Variants in CSTPP1 observed in about 807,000 individuals in gnomAD.
CSTPP1 encodes the protein centriolar satellite-associated tubulin polyglutamylase complex regulator 1.
At chr11:47,161,472 A>G in the CSTPP1 span, 1 of 1,613,866 alleles carries the variant, frequency 6.2e-7, no homozygotes, top group Non-Finnish European at 8.5e-7. Context: ...AGGCTGGCCC[A>G]GGTCCCAGGC....
chr11:47,160,818 AG>A, the CSTPP1 span: 1 of 401,366 alleles, frequency 2.5e-6, no homozygotes. Context: ...GGCCTCAAGA[AG>A]GAACTCAACT....
chr11:47,148,639 A>T, the CSTPP1 span, among the ~76,000 whole-genome samples: 1 of 151,980 alleles, frequency 6.6e-6, no homozygotes, highest in African/African-American at 2.4e-5. Flanking sequence ...CTCTATTTTT[A>T]TTTGCTCTTT....
At chr11:46,996,327 G>C in the CSTPP1 span, among the ~76,000 whole-genome samples, 1 of 149,772 alleles carries the variant, frequency 6.7e-6, no homozygotes, top group Non-Finnish European at 1.5e-5. Context: ...TTTTTGAGAC[G>C]GAGTTTCGCT....
At chr11:46,976,167 G>A in the CSTPP1 span, among the ~76,000 whole-genome samples, 4 of 152,128 alleles carry the variant, frequency 2.6e-5, no homozygotes, top group Non-Finnish European at 5.9e-5. Flanking sequence ...GCATTAGGGT[G>A]TTCTTGAATG....
At chr11:47,155,364 C>T in the CSTPP1 span, 3 of 1,029,580 alleles carry the variant, frequency 2.9e-6, no homozygotes, top group Non-Finnish European at 4.6e-6. Context: ...GTTTCTCTTC[C>T]CCACTTCCTT....
the CSTPP1 span, among the ~76,000 whole-genome samples, chr11:46,975,157 A>G: frequency 4.6e-5 from 7 of 151,122 alleles, no homozygotes; most frequent in South Asian, 1.5e-3. Context: ...CACACTTGTA[A>G]TCCCAGCTGC....
chr11:46,973,279 C>T, the CSTPP1 span, among the ~76,000 whole-genome samples: 1 of 152,120 alleles, frequency 6.6e-6, no homozygotes, highest in South Asian at 2.1e-4. Context: ...GGAGCCCTCT[C>T]CTTGGTTGAT....
the CSTPP1 span, among the ~76,000 whole-genome samples, chr11:47,094,356 C>G: frequency 6.6e-6 from 1 of 152,098 alleles, no homozygotes; most frequent in Non-Finnish European, 1.5e-5. Context: ...TGTAAAGTTA[C>G]AGTTATGCAA....
At chr11:46,991,545 C>G in the CSTPP1 span, 1 of 152,202 alleles carries the variant, frequency 6.6e-6, no homozygotes, top group Non-Finnish European at 1.5e-5. Flanking sequence ...TTTTACAGAA[C>G]AGACAAGTGA....
At chr11:47,068,427 G>C in the CSTPP1 span, among the ~76,000 whole-genome samples, 1 of 152,098 alleles carries the variant, frequency 6.6e-6, no homozygotes, top group African/African-American at 2.4e-5. Flanking sequence ...AGCTACTCAG[G>C]AGGCTGAGGT....
At chr11:47,054,172 G>T in the CSTPP1 span, among the ~76,000 whole-genome samples, 2 of 151,520 alleles carry the variant, frequency 1.3e-5, no homozygotes, top group Admixed American at 6.6e-5. Context: ...TTAGCCGGGT[G>T]TGGTGGCGGG....
chr11:46,986,670 T>C, the CSTPP1 span, among the ~76,000 whole-genome samples: 1 of 152,098 alleles, frequency 6.6e-6, no homozygotes, highest in African/African-American at 2.4e-5. Context: ...GTTTTCACCA[T>C]GTTGCCAAGC....
At chr11:47,103,882 A>T in the CSTPP1 span, 1 of 151,670 alleles carries the variant, frequency 6.6e-6, no homozygotes, top group Admixed American at 6.6e-5. Flanking sequence ...GTTGCCCAGG[A>T]TCTCAAACTG....
At chr11:47,032,001 C>T in the CSTPP1 span, among the ~76,000 whole-genome samples, 7 of 151,970 alleles carry the variant, frequency 4.6e-5, no homozygotes, top group Admixed American at 2.0e-4. Flanking sequence ...CATTTTTCTG[C>T]CTGCATTTTA....
the CSTPP1 span, among the ~76,000 whole-genome samples, chr11:47,149,459 T>C: frequency 6.6e-6 from 1 of 152,186 alleles, no homozygotes; most frequent in Non-Finnish European, 1.5e-5. Context: ...CCGAGCCCTC[T>C]GGGAGTGGCA....
the CSTPP1 span, among the ~76,000 whole-genome samples, chr11:47,081,277 A>T: frequency 6.6e-6 from 1 of 152,174 alleles, no homozygotes; most frequent in African/African-American, 2.4e-5. Context: ...CAGAAAAAAT[A>T]TGTAGACTAA....
At chr11:47,116,891 T>C in the CSTPP1 span, among the ~76,000 whole-genome samples, 65 of 152,026 alleles carry the variant, frequency 4.3e-4, no homozygotes, top group African/African-American at 1.5e-3. Context: ...CCATGTTAGC[T>C]AGGATGGCCT....
the CSTPP1 span, chr11:47,161,538 C>T: frequency 3.7e-6 from 6 of 1,614,166 alleles, no homozygotes; most frequent in Non-Finnish European, 5.1e-6. Flanking sequence ...TCCCGGACCC[C>T]TCCCCGGGTT....
At chr11:47,159,311 A>G in the CSTPP1 span, among the ~76,000 whole-genome samples, 1 of 151,986 alleles carries the variant, frequency 6.6e-6, no homozygotes, top group Non-Finnish European at 1.5e-5. Context: ...GGAGTTCAAG[A>G]CCAGCCTGAC....
Sources: gnomAD v4.1 joint callset for allele counts (sites outside exome capture counted in the v4.1 genomes callset) on GRCh38, gnomAD v4.1.1 for gene constraint, MANE v1.5 for transcripts, NCBI Gene and HGNC (gene_info 2026-07-23, HGNC 2026-07-21) for gene names.